The following NOL4 variants were observed in gnomAD, a reference collection of about 807,000 sequenced individuals.
NOL4 encodes the protein cancer/testis antigen 125.
Under a neutral mutation model 75.9 loss-of-function variants are expected in NOL4, and 17 were observed. That is an observed-to-expected ratio of 0.22 (90% CI 0.15 to 0.34). The LOEUF (loss-of-function observed/expected upper bound fraction) is 0.34, where lower values mean the gene tolerates loss of function less well. Among genes scored for constraint, NOL4 ranks in the 10% least tolerant of loss-of-function variants. The probability of loss-of-function intolerance (pLI) is 1.00; values close to 1 mark genes in which losing one functional copy is unlikely to be tolerated. For synonymous variants in NOL4, 292 were observed against 289.9 expected, an observed-to-expected ratio of 1.01 and a Z score of -0.07; for missense variants, 614 against 793.5, an observed-to-expected ratio of 0.77 and a Z score of 2.72.
chr18:34,078,571 G>A (rs2077851962), intron 5 of NOL4, among the ~76,000 whole-genome samples: 1 of 152,204 alleles, frequency 6.6e-6, no homozygotes, highest in East Asian at 1.9e-4. Flanking sequence ...AAAAGGGGAA[G>A]TGTAGGAGAA....
At chr18:34,127,011 T>C in intron 2 of NOL4, among the ~76,000 whole-genome samples, 1 of 151,362 alleles carries the variant, frequency 6.6e-6, no homozygotes, top group Non-Finnish European at 1.5e-5. Flanking sequence ...GACCTAAGAG[T>C]CACTATAATT....
chr18:34,105,463 T>C (rs552750210), intron 2 of NOL4, among the ~76,000 whole-genome samples: 6 of 151,986 alleles, frequency 3.9e-5, no homozygotes, highest in Non-Finnish European at 7.4e-5. Context: ...TCCTAGTGAA[T>C]TTTCCTTATT....
intron 1 of NOL4, chr18:34,221,918 G>T: frequency 1.0e-6 from 1 of 952,392 alleles, no homozygotes; most frequent in Non-Finnish European, 1.6e-6. Flanking sequence ...TGCCAGTACA[G>T]GAGGGGGGAA....
chr18:34,083,345 A>G (rs1428815735), intron 5 of NOL4, among the ~76,000 whole-genome samples: 2 of 152,162 alleles, frequency 1.3e-5, no homozygotes, highest in African/African-American at 4.8e-5. Context: ...GGAGGGAGAA[A>G]CTAGAAGAGT....
At chr18:33,983,976 C>A (rs1377918567) in intron 6 of NOL4, among the ~76,000 whole-genome samples, 1 of 152,042 alleles carries the variant, frequency 6.6e-6, no homozygotes, top group East Asian at 1.9e-4. Flanking sequence ...TGATGTATTT[C>A]TTTGCTTGCA....
chr18:33,932,306 TA>T (rs1469471804), intron 9 of NOL4, among the ~76,000 whole-genome samples: 1 of 152,114 alleles, frequency 6.6e-6, no homozygotes, highest in East Asian at 1.9e-4. Context: ...GTAATTCTTG[TA>T]AAAAATAATG....
chr18:34,130,117 C>T, intron 1 of NOL4, 97 bp from the exon 2 acceptor site: 3 of 1,182,942 alleles, frequency 2.5e-6, no homozygotes, highest in Non-Finnish European at 3.3e-6. Flanking sequence ...TTTATAACCT[C>T]AACAAAATCA....
At chr18:34,107,706 T>C (rs1466174307) in intron 2 of NOL4, among the ~76,000 whole-genome samples, 1 of 151,918 alleles carries the variant, frequency 6.6e-6, no homozygotes, top group Non-Finnish European at 1.5e-5. Flanking sequence ...CTTTTTTCCC[T>C]ATTCAGAATC....
chr18:34,055,854 T>C (rs2076813623), intron 5 of NOL4, among the ~76,000 whole-genome samples: 1 of 152,106 alleles, frequency 6.6e-6, no homozygotes, highest in African/African-American at 2.4e-5. Context: ...TGTCTTAAAG[T>C]TCACTGATTT....
In NOL4 at chr18:34,224,134, G is replaced by C. The variant is rs1600929796; in HGVS notation, c.-881C>G. ...CCCAAACAGATATCCGTTCCAGGGG[G>C]ATGTGGGTAACCGAAGGCAGGCCGC... On this transcript the variant is annotated 5_prime_UTR_variant, in exon 1 of 11. It adds an upstream start codon to the 5' untranslated region. Coordinates refer to ENST00000261592, the MANE Select transcript of NOL4 (RefSeq NM_003787.5). 6.6e-6 allele frequency: 1 copy of C among 152,334 alleles called. No individual in the cohort carries two copies. The highest frequency in any genetic ancestry group is 2.4e-5 in the African/African-American group (1 of 41,472). The allele number at this position is 152,334 out of a possible 1,614,324, so 9.4% of individuals were successfully genotyped here. A position where few individuals can be genotyped will look rare whatever the true frequency, so the allele number is the denominator to read the frequency against.
intron 9 of NOL4, among the ~76,000 whole-genome samples, chr18:33,908,503 A>T (rs2066201298): frequency 6.6e-6 from 1 of 152,176 alleles, no homozygotes; most frequent in South Asian, 2.1e-4. Flanking sequence ...AGTAAACATA[A>T]TTCCATCTGG....
At chr18:33,910,149 C>G (rs1177740606) in intron 9 of NOL4, among the ~76,000 whole-genome samples, 6 of 152,176 alleles carry the variant, frequency 3.9e-5, no homozygotes, top group African/African-American at 1.4e-4. Context: ...ACGTAGTATT[C>G]ACATAGTTTA....
At chr18:33,968,473 C>T (rs2070782422) in intron 6 of NOL4, among the ~76,000 whole-genome samples, 1 of 152,098 alleles carries the variant, frequency 6.6e-6, no homozygotes, top group Non-Finnish European at 1.5e-5. Flanking sequence ...AATCATGCTG[C>T]AACATGGATG....
intron 5 of NOL4, among the ~76,000 whole-genome samples, chr18:34,051,825 A>C (rs1192668194): frequency 6.6e-6 from 1 of 151,978 alleles, no homozygotes; most frequent in Non-Finnish European, 1.5e-5. Context: ...AAATGAATGT[A>C]TTTTAAGTAT....
chr18:33,978,159 A>G lies in NOL4; in HGVS notation c.1057-19741T>C, dbSNP rs566818112. ...CTATCTGCCAAACTGGTCTTTACCT[A>G]TCTATCTGTTGAATATTCTCTTTAT... On this transcript the variant is annotated intron_variant, in intron 6 of 10. Coordinates refer to ENST00000261592, the MANE Select transcript of NOL4 (RefSeq NM_003787.5). 2.6e-5 allele frequency among the ~76,000 whole-genome samples: 4 copies of G among 152,176 alleles called. No homozygotes were observed. The South Asian group carries it at 6.2e-4, about 24-fold the overall frequency.
At chr18:33,990,708 C>T (rs934489425) in intron 6 of NOL4, among the ~76,000 whole-genome samples, 1 of 151,838 alleles carries the variant, frequency 6.6e-6, no homozygotes, top group African/African-American at 2.4e-5. Flanking sequence ...TACCTATTGT[C>T]CACTTCCCAG....
chr18:33,911,425 C>G (rs1175054169), intron 9 of NOL4, among the ~76,000 whole-genome samples: 1 of 151,992 alleles, frequency 6.6e-6, no homozygotes, highest in Admixed American at 6.6e-5. Context: ...TTTTACCTTT[C>G]TACTTTATTT....
chr18:34,163,042 C>G (rs182681256), intron 1 of NOL4, among the ~76,000 whole-genome samples: 18 of 150,070 alleles, frequency 1.2e-4, no homozygotes, highest in African/African-American at 3.4e-4. Context: ...ATTCAACAAC[C>G]CTTCATGCTA....
chr18:34,166,317 C>T lies in NOL4; in HGVS notation c.265-36297G>A, dbSNP rs541903704. 4.6e-5 allele frequency among the ~76,000 whole-genome samples: 7 copies of T among 152,170 alleles called. No individual in the cohort carries two copies. The South Asian group carries it at 1.4e-3, about 31-fold the overall frequency. On this transcript the variant is annotated intron_variant, in intron 1 of 10. Coordinates refer to ENST00000261592, the MANE Select transcript of NOL4 (RefSeq NM_003787.5). ...CATTAATAAAACAATAAAAGAACAA[C>T]ATAAAAATAGCCAACTTGTAATTCC...
Sources: gnomAD v4.1 joint callset for allele counts (sites outside exome capture counted in the v4.1 genomes callset) on GRCh38, gnomAD v4.1.1 for gene constraint, MANE v1.5 for transcripts, NCBI Gene and HGNC (gene_info 2026-07-23, HGNC 2026-07-21) for gene names.